The following MYOM2 variants were observed in gnomAD, a reference collection of about 807,000 sequenced individuals.
MYOM2 encodes the protein myomesin-2.
A neutral mutation model predicts 187.6 loss-of-function variants in MYOM2; 254 were observed. That is an observed-to-expected ratio of 1.35 (90% CI 1.22 to 1.50). The LOEUF (loss-of-function observed/expected upper bound fraction) is 1.50, where lower values mean the gene tolerates loss of function less well. Among genes scored for constraint, MYOM2 ranks in the 40% most tolerant of loss-of-function variants. MYOM2 has a pLI of 0.00. For synonymous variants in MYOM2, 981 were observed against 753.8 expected (o/e 1.30, Z -4.94); for missense variants, 2,796 against 1,924.0 (o/e 1.45, Z -8.48).
chr8:2,065,856 G>T (rs1819002026), intron 6 of MYOM2, among the ~76,000 whole-genome samples: 1 of 151,940 alleles, frequency 6.6e-6, no homozygotes, highest in South Asian at 2.1e-4. Context: ...GGTGTGTGAT[G>T]AGCTGAGTCT....
At chr8:2,083,405 G>A (rs1172688469) in intron 13 of MYOM2, among the ~76,000 whole-genome samples, 1 of 151,492 alleles carries the variant, frequency 6.6e-6, no homozygotes, top group African/African-American at 2.4e-5. Flanking sequence ...TGTGCCTAGT[G>A]GCATCTCACG....
In MYOM2 at chr8:2,073,478, C is replaced by T. The variant is rs369027069; in HGVS notation, c.1098C>T (p.His366=). The change falls in exon 10 of 37, where the codon CAC becomes CAT. Residue 366 remains histidine, a synonymous_variant. Transcript: ENST00000262113. ...TGTCTCGGGGCGGCGTCAGCGACCACAGCGCCTTCCTGTTTGTCAGAGGTG... is the reference window on the plus strand; with the variant it reads ...TGTCTCGGGGCGGCGTCAGCGACCATAGCGCCTTCCTGTTTGTCAGAGGTG... ...RIVSRGGVSD[H]SAFLFVRDAD... 5.3e-5 allele frequency: 85 copies of T among 1,606,584 alleles called. No homozygotes were observed. Among genetic ancestry groups the T allele is most frequent in the Non-Finnish European group, 7.0e-5 (83 of 1,178,982 alleles).
chr8:2,121,372 T>C (rs2116854042), intron 28 of MYOM2, among the ~76,000 whole-genome samples: 1 of 152,310 alleles, frequency 6.6e-6, no homozygotes, highest in African/African-American at 2.4e-5. Context: ...AGTTCTGCTT[T>C]CCATGGGCTC....
At position 2,057,372 on chromosome 8, in the gene MYOM2, T is replaced by C. The variant is rs1818700788; in HGVS notation, c.288T>C (p.Tyr96=). 19 of 1,612,244 alleles carry C rather than the reference T, an allele frequency of 1.2e-5. No individual in the cohort carries two copies. Among genetic ancestry groups the C allele is most frequent in the Non-Finnish European group, 1.6e-5 (19 of 1,179,126 alleles). ...GGTACCAGTCCCTGGTGGCCGCCTA[T>C]GGTGAGGCCAAGCGACAGCGCTTCC... The part of the protein sequence containing the change: ...RSRYQSLVAA[Y]GEAKRQRFLS... Residue 96 remains tyrosine, a synonymous_variant, in exon 4 of 37, where the codon TAT becomes TAC. Transcript: ENST00000262113.
Position 2,145,251 on chromosome 8 carries a change from C to T in MYOM2, c.*270C>T, listed in dbSNP as rs867376147. ...ACAGAGAGTGGGTTGGCAGACAACA[C>T]ACTAGAATTTTCACGGGTGTGGGCA... On this transcript the variant is annotated 3_prime_UTR_variant, in exon 37 of 37. Coordinates refer to ENST00000262113, the MANE Select transcript of MYOM2 (RefSeq NM_003970.4). 9.0e-6 allele frequency: 5 copies of T among 558,368 alleles called. No individual in the cohort carries two copies. The highest frequency in any genetic ancestry group is 4.7e-4 in the Middle Eastern group (1 of 2,136). The allele number at this position is 558,368 out of a possible 1,614,324, so 34.6% of individuals were successfully genotyped here.
At chr8:2,054,964 G>GAACCAAGTACCTGGATAATGGGA (rs1818609867) in intron 3 of MYOM2, among the ~76,000 whole-genome samples, 1 of 140,406 alleles carries the variant, frequency 7.1e-6, no homozygotes, top group Non-Finnish European at 1.6e-5. Flanking sequence ...GGATACTGGG[G>GAACCAAGTACCTGGATAATGGGA]GAACCAAGTA....
chr8:2,143,571 A>G, intron 36 of MYOM2, 115 bp downstream of exon 36: 1 of 1,284,956 alleles, frequency 7.8e-7, no homozygotes, highest in Non-Finnish European at 1.1e-6. Flanking sequence ...GTCCTCACTC[A>G]GCCTGCAGGG....
At chr8:2,129,493 G>A (rs1170659347) in intron 32 of MYOM2, among the ~76,000 whole-genome samples, 3 of 152,184 alleles carry the variant, frequency 2.0e-5, no homozygotes, top group African/African-American at 7.2e-5. Flanking sequence ...CACCAAAGGT[G>A]GCTTTACTGG....
chr8:2,076,054 T>C lies in MYOM2; in HGVS notation c.1121-87T>C, dbSNP rs1472713664. On this transcript the variant is annotated intron_variant, in intron 10 of 36. Transcript: ENST00000262113. ...CAGTGGTCAAATCAAGGGGATAGAATTGGAGCTTGGAGGAGCTGTAAACAG... is the reference window on the plus strand; with the variant it reads ...CAGTGGTCAAATCAAGGGGATAGAACTGGAGCTTGGAGGAGCTGTAAACAG... The C allele has an allele frequency of 6.1e-6, 8 of 1,309,494 alleles. No homozygotes were observed. The Admixed American group carries it at 1.0e-4, about 16-fold the overall frequency. 81.1% of individuals were successfully genotyped at this position (1,309,494 alleles called of 1,614,324 possible). A position where few individuals can be genotyped will look rare whatever the true frequency, so the allele number is the denominator to read the frequency against.
intron 20 of MYOM2, chr8:2,102,302 A>G (rs1487378206): frequency 2.2e-5 from 4 of 182,500 alleles, no homozygotes; most frequent in African/African-American, 9.4e-5. Flanking sequence ...TGATGCCCCA[A>G]TGATGACTTT....
intron 36 of MYOM2, among the ~76,000 whole-genome samples, chr8:2,144,402 A>G (rs562313092): frequency 1.2e-4 from 18 of 152,348 alleles, no homozygotes; most frequent in Admixed American, 2.0e-4. Flanking sequence ...GACTTAGGCT[A>G]TGGATAAAAG....
At chr8:2,122,727 T>G (rs1046152296) in intron 28 of MYOM2, among the ~76,000 whole-genome samples, 1 of 152,230 alleles carries the variant, frequency 6.6e-6, no homozygotes, top group African/African-American at 2.4e-5. Flanking sequence ...CCGCAAAGCT[T>G]AGTTTCTAGC....
At position 2,109,511 on chromosome 8, in the gene MYOM2, A is replaced by G. The variant is rs774968338; in HGVS notation, c.3160A>G (p.Arg1054Gly). 1.2e-6 allele frequency: 2 copies of G among 1,612,050 alleles called. No individual in the cohort carries two copies. Among genetic ancestry groups the G allele is most frequent in the East Asian group, 4.5e-5 (2 of 44,642 alleles). ...DASYRFIIND[R>G]EVSDSEIHRI... ...CAGCTACCGATTTATTATTAACGACAGAGAAGTCTCTGACAGCGAGGTGAG... is the reference window on the plus strand; with the variant it reads ...CAGCTACCGATTTATTATTAACGACGGAGAAGTCTCTGACAGCGAGGTGAG... Residue 1054 changes from arginine (R) to glycine (G), a missense_variant, in exon 25 of 37, where the codon AGA becomes GGA. Coordinates refer to ENST00000262113, the MANE Select transcript of MYOM2 (RefSeq NM_003970.4).
At chr8:2,121,769 C>T (rs1429237973) in intron 28 of MYOM2, among the ~76,000 whole-genome samples, 3 of 152,182 alleles carry the variant, frequency 2.0e-5, no homozygotes, top group Non-Finnish European at 4.4e-5. Context: ...ATCTGTTAAA[C>T]ATTCCTTACA....
intron 27 of MYOM2, among the ~76,000 whole-genome samples, chr8:2,117,235 G>A (rs1376088615): frequency 1.3e-5 from 2 of 152,006 alleles, no homozygotes; most frequent in East Asian, 1.9e-4. Flanking sequence ...GGCCAACTTT[G>A]TAGGATGTAT....
At chr8:2,106,685 A>AC in intron 23 of MYOM2, 88 bp downstream of exon 23, 1 of 958,540 alleles carries the variant, frequency 1.0e-6, no homozygotes, top group Non-Finnish European at 1.5e-6. Flanking sequence ...TTACTTGCTT[A>AC]GAAAAAAGAC....
At chr8:2,131,485 C>A (rs1466870466) in intron 32 of MYOM2, among the ~76,000 whole-genome samples, 1 of 151,874 alleles carries the variant, frequency 6.6e-6, no homozygotes, top group East Asian at 1.9e-4. Context: ...GCTCATGCAT[C>A]TGACTCATCA....
chr8:2,057,488 T>C lies in MYOM2; in HGVS notation c.402+2T>C. 6.2e-7 allele frequency: 1 copy of C among 1,613,812 alleles called. No homozygotes were observed. Among genetic ancestry groups the C allele is most frequent in the Non-Finnish European group, 8.5e-7 (1 of 1,179,892 alleles). On this transcript the variant is annotated splice_donor_variant, in intron 4 of 36. Transcript: ENST00000262113. LOFTEE classifies it high-confidence loss of function. ...GACAAATACGCCATTCAGCAGATGG[T>C]AGGAGGGTCTCAGGGTGGCTGGGTG...
Position 2,123,341 on chromosome 8 carries a change from A to G in MYOM2, c.3543A>G (p.Gly1181=). ...AGACACTGCCTAACCTGGAGAGGGG[A>G]ATCTGTGAGCTCCTCATCCCAAAGG... is the stretch of plus-strand genomic sequence containing the variant. ...ETETLPNLER[G]ICELLIPKLS... The change falls in exon 29 of 37, where the codon GGA becomes GGG. Residue 1181 remains glycine, a synonymous_variant. Coordinates refer to ENST00000262113, the MANE Select transcript of MYOM2 (RefSeq NM_003970.4). 1 of 1,613,630 alleles carries G rather than the reference A, an allele frequency of 6.2e-7. No homozygotes were observed. The highest frequency in any genetic ancestry group is 8.5e-7 in the Non-Finnish European group (1 of 1,179,690).
Sources: gnomAD v4.1 joint callset for allele counts (sites outside exome capture counted in the v4.1 genomes callset) on GRCh38, gnomAD v4.1.1 for gene constraint, MANE v1.5 for transcripts, NCBI Gene and HGNC (gene_info 2026-07-23, HGNC 2026-07-21) for gene names.